ELOF1: variants seen among roughly 807,000 people sequenced by gnomAD.
ELOF1 encodes elongation factor 1, also known as transcription elongation factor 1 homolog.
ELOF1 carries 4 observed loss-of-function variants against 7.1 expected under a neutral mutation model. The ratio of observed to expected loss-of-function variants is 0.56; its 90% CI spans 0.28 to 1.29. ELOF1 has a LOEUF of 1.29. Among genes scored for constraint, ELOF1 ranks in the 50% most tolerant of loss-of-function variants. The probability of loss-of-function intolerance (pLI) is 0.10; values close to 1 mark genes in which losing one functional copy is unlikely to be tolerated. For synonymous variants in ELOF1, 31 were observed against 31.9 expected (o/e 0.97, Z 0.09); for missense variants, 59 against 86.3 (o/e 0.68, Z 1.25).
chr19:11,559,166 T>G (rs2145063326), intron 1 of ELOF1, 25 bp downstream of exon 1: 1 of 152,340 alleles, frequency 6.6e-6, no homozygotes, highest in South Asian at 2.1e-4. Context: ...CAACGCCCAC[T>G]CGCACGAGCC....
chr19:11,554,440 C>T (rs755440545), intron 1 of ELOF1, 75 bp from the exon 2 acceptor site: 91 of 1,550,234 alleles, frequency 5.9e-5, no homozygotes, highest in Admixed American at 1.2e-4. Flanking sequence ...GAAAGCAGGC[C>T]GGAAAGAGGG....
chr19:11,558,124 C>G (rs1972859891), intron 1 of ELOF1, among the ~76,000 whole-genome samples: 1 of 152,172 alleles, frequency 6.6e-6, no homozygotes, highest in Non-Finnish European at 1.5e-5. Flanking sequence ...TCCAGTCTTC[C>G]TCATCTCAGC....
intron 3 of ELOF1, chr19:11,553,731 G>A (rs750411110): frequency 8.1e-6 from 13 of 1,614,028 alleles, no homozygotes; most frequent in South Asian, 1.1e-5. Context: ...CTCAGGGGGC[G>A]GGTCCTCTGT....
rs367832594 is a variant in ELOF1 at position 11,553,711 on chromosome 19, C to T, written c.187+300G>A. 49 of 1,613,686 alleles carry T rather than the reference C, an allele frequency of 3.0e-5. No homozygotes were observed. The African/African-American group carries it at 3.1e-4, about 10-fold the overall frequency. The stretch of plus-strand genomic sequence containing the variant: ...GAACCGAACAGCTGGATCCACAGTA[C>T]GCGGGGCTGCTCAGGGGGCGGGTCC... On this transcript the variant is annotated intron_variant, in intron 3 of 3. Transcript: ENST00000586683.
At chr19:11,557,367 G>A (rs979668809) in intron 1 of ELOF1, among the ~76,000 whole-genome samples, 1 of 152,112 alleles carries the variant, frequency 6.6e-6, no homozygotes, top group African/African-American at 2.4e-5. Flanking sequence ...AGGCCAAGGT[G>A]GGCAGATCAC....
At chr19:11,558,851 A>G (rs922553900) in intron 1 of ELOF1, 3 of 152,128 alleles carry the variant, frequency 2.0e-5, no homozygotes, top group Non-Finnish European at 4.4e-5. Context: ...CAGAGGCCTC[A>G]GCCTGTCCTG....
chr19:11,558,421 C>T (rs1417811433), intron 1 of ELOF1, among the ~76,000 whole-genome samples: 1 of 151,962 alleles, frequency 6.6e-6, no homozygotes, highest in Non-Finnish European at 1.5e-5. Flanking sequence ...CAGCAATAAC[C>T]ATTACTGAAT....
intron 1 of ELOF1, 93 bp from the exon 2 acceptor site, chr19:11,554,458 C>T: frequency 6.6e-7 from 1 of 1,508,844 alleles, no homozygotes; most frequent in Non-Finnish European, 8.9e-7. Flanking sequence ...GGGTCTGGGA[C>T]TTGCACCGTG....
intron 1 of ELOF1, chr19:11,555,256 CAAAAAAAA>C: frequency 5.7e-5 from 5 of 86,962 alleles, no homozygotes; most frequent in South Asian, 5.9e-4. Flanking sequence ...GACTCCGTCT[CAAAAAAAA>C]AAAAAAAAAA....
intron 1 of ELOF1, chr19:11,554,659 C>G (rs547386947): frequency 2.2e-6 from 1 of 445,222 alleles, no homozygotes; most frequent in African/African-American, 2.0e-5. Context: ...GAGACAAGGC[C>G]AGGCATGGTG....
chr19:11,557,447 T>C (rs977326795), intron 1 of ELOF1, among the ~76,000 whole-genome samples: 1 of 150,742 alleles, frequency 6.6e-6, no homozygotes, highest in African/African-American at 2.4e-5. Flanking sequence ...AATACAAAAA[T>C]TAGCTGGGCG....
chr19:11,553,127 G>A (rs918253677), intron 3 of ELOF1: 2 of 401,972 alleles, frequency 5.0e-6, no homozygotes, highest in Non-Finnish European at 8.8e-6. Context: ...AAAAGCAACT[G>A]AACATGAAAC....
At chr19:11,555,256 C>CAAAAA (rs5827127) in intron 1 of ELOF1, 7 of 87,668 alleles carry the variant, frequency 8.0e-5, no homozygotes, top group South Asian at 5.8e-4. Flanking sequence ...GACTCCGTCT[C>CAAAAA]AAAAAAAAAA....
At position 11,554,096 on chromosome 19, in the gene ELOF1, G is replaced by A. The variant is rs764718942; in HGVS notation, c.117-15C>T. On this transcript the variant is annotated splice_polypyrimidine_tract_variant and intron_variant, in intron 2 of 3. Coordinates refer to ENST00000586683, the Ensembl canonical transcript of ELOF1. ...GGGCACGGTCCCTGAAACAGACCAA[G>A]AGAAGGGACTGGTGAGCAATGCGTC... 1 of 1,614,254 alleles carries A rather than the reference G, an allele frequency of 6.2e-7. No individual in the cohort carries two copies. Among genetic ancestry groups the A allele is most frequent in the Non-Finnish European group, 8.5e-7 (1 of 1,180,050 alleles).
At chr19:11,553,554 T>C (rs1972765611) in intron 3 of ELOF1, 1 of 670,958 alleles carries the variant, frequency 1.5e-6, no homozygotes, top group Non-Finnish European at 2.5e-6. Flanking sequence ...CCACACTCAC[T>C]CACACCCACA....
At chr19:11,557,892 T>C (rs1972856660) in intron 1 of ELOF1, among the ~76,000 whole-genome samples, 1 of 152,112 alleles carries the variant, frequency 6.6e-6, no homozygotes, top group African/African-American at 2.4e-5. Flanking sequence ...GTTTAATTGT[T>C]GGATCCTCTC....
At chr19:11,558,722 C>A (rs952786230) in intron 1 of ELOF1, among the ~76,000 whole-genome samples, 1 of 148,688 alleles carries the variant, frequency 6.7e-6, no homozygotes, top group African/African-American at 2.5e-5. Flanking sequence ...GCAAGACTCA[C>A]TCTCAAAAAA....
At chr19:11,554,447 A>G (rs1038641165) in intron 1 of ELOF1, 82 bp from the exon 2 acceptor site, 30 of 1,537,370 alleles carry the variant, frequency 2.0e-5, no homozygotes, top group Non-Finnish European at 2.5e-5. Context: ...GGCCGGAAAG[A>G]GGGTCTGGGA....
At chr19:11,557,098 G>A (rs1048673772) in intron 1 of ELOF1, among the ~76,000 whole-genome samples, 2 of 151,990 alleles carry the variant, frequency 1.3e-5, no homozygotes, top group Non-Finnish European at 2.9e-5. Context: ...CCATCTCTCT[G>A]CACCCCTTGC....
Sources: allele counts gnomAD v4.1 joint callset (sites outside exome capture counted in the v4.1 genomes callset), GRCh38; gene constraint gnomAD v4.1.1; transcripts MANE v1.5; gene names NCBI Gene and HGNC (gene_info 2026-07-23, HGNC 2026-07-21).